NXPH2: variants seen among roughly 807,000 people sequenced by gnomAD.
The protein encoded by NXPH2 is neurexophilin 2, also known as neurexophilin-2.
In NXPH2, 5 loss-of-function variants were observed where a neutral mutation model predicts 19.8. The ratio of observed to expected loss-of-function variants is 0.25; its 90% CI spans 0.13 to 0.53. The LOEUF is 0.53. Among genes scored for constraint, NXPH2 ranks in the 20% least tolerant of loss-of-function variants. The pLI, the probability that NXPH2 is intolerant of heterozygous loss-of-function variation, is 0.96. For missense variants in NXPH2, 289 were observed against 322.8 expected, an observed-to-expected ratio of 0.90 and a Z score of 0.80; for synonymous variants, 154 against 127.4, an observed-to-expected ratio of 1.21 and a Z score of -1.41.
chr2:138,709,130 C>A (rs1195133763), intron 1 of NXPH2, among the ~76,000 whole-genome samples: 1 of 152,064 alleles, frequency 6.6e-6, no homozygotes, highest in East Asian at 1.9e-4. Flanking sequence ...TTAGGTCCCA[C>A]AAGGCTGACT....
At chr2:138,715,013 G>A (rs961640641) in intron 1 of NXPH2, among the ~76,000 whole-genome samples, 1 of 152,164 alleles carries the variant, frequency 6.6e-6, no homozygotes, top group African/African-American at 2.4e-5. Flanking sequence ...AAACTTAGAA[G>A]TGAAATTTGA....
At chr2:138,731,099 T>C (rs1681441518) in intron 1 of NXPH2, among the ~76,000 whole-genome samples, 1 of 152,208 alleles carries the variant, frequency 6.6e-6, no homozygotes, top group Non-Finnish European at 1.5e-5. Context: ...ATATTTATCA[T>C]TATTTACTTC....
At chr2:138,770,931 A>G (rs1682166014) in intron 1 of NXPH2, among the ~76,000 whole-genome samples, 2 of 152,158 alleles carry the variant, frequency 1.3e-5, no homozygotes, top group Non-Finnish European at 2.9e-5. Flanking sequence ...ACAGTATACA[A>G]TACATGTTAA....
chr2:138,696,979 T>C (rs1216747502), intron 1 of NXPH2, among the ~76,000 whole-genome samples: 2 of 152,026 alleles, frequency 1.3e-5, no homozygotes, highest in Admixed American at 6.6e-5. Context: ...AGAGAAAACA[T>C]AAGTAGGTAA....
intron 1 of NXPH2, among the ~76,000 whole-genome samples, chr2:138,674,236 C>G (rs895171087): frequency 3.3e-5 from 5 of 152,060 alleles, no homozygotes; most frequent in African/African-American, 1.2e-4. Context: ...TTACTACAAT[C>G]TCCACCTCCA....
At chr2:138,741,707 G>C (rs1187597380) in intron 1 of NXPH2, among the ~76,000 whole-genome samples, 1 of 152,152 alleles carries the variant, frequency 6.6e-6, no homozygotes, top group Non-Finnish European at 1.5e-5. Flanking sequence ...GTACTTAGTG[G>C]ATTACATACT....
intron 1 of NXPH2, among the ~76,000 whole-genome samples, chr2:138,716,413 C>T (rs1681195859): frequency 6.6e-6 from 1 of 152,124 alleles, no homozygotes; most frequent in Non-Finnish European, 1.5e-5. Flanking sequence ...AATGTGAGGC[C>T]TCATTGAGAA....
intron 1 of NXPH2, among the ~76,000 whole-genome samples, chr2:138,696,609 T>C (rs1020984818): frequency 6.6e-6 from 1 of 152,174 alleles, no homozygotes; most frequent in Non-Finnish European, 1.5e-5. Context: ...CAAATGGTGG[T>C]GAAGACATAG....
chr2:138,687,436 G>A (rs1680677487), intron 1 of NXPH2, among the ~76,000 whole-genome samples: 1 of 152,022 alleles, frequency 6.6e-6, no homozygotes. Flanking sequence ...GTTCTTTGTA[G>A]ATTCTGGATA....
At chr2:138,698,580 C>T (rs1029190203) in intron 1 of NXPH2, among the ~76,000 whole-genome samples, 2 of 152,058 alleles carry the variant, frequency 1.3e-5, no homozygotes, top group Non-Finnish European at 2.9e-5. Flanking sequence ...CAGGGCCAGG[C>T]GTGGTGACTC....
chr2:138,705,064 T>A (rs1680987034), intron 1 of NXPH2, among the ~76,000 whole-genome samples: 1 of 152,026 alleles, frequency 6.6e-6, no homozygotes, highest in Non-Finnish European at 1.5e-5. Flanking sequence ...TGACCTCAGG[T>A]GATCTGCCTG....
chr2:138,735,302 A>T (rs1278927830), intron 1 of NXPH2, among the ~76,000 whole-genome samples: 2 of 152,182 alleles, frequency 1.3e-5, no homozygotes, highest in Non-Finnish European at 2.9e-5. Flanking sequence ...AAGACTGGGA[A>T]GAAAAAGAGG....
Position 138,747,854 on chromosome 2 carries a change from C to T in NXPH2, c.51+32337G>A, listed in dbSNP as rs545844529. ...CTCCAGAATTTGTCTACGCTGCCTC[C>T]CTTCTCTCCAGTTTCAGTTTACTGC... On this transcript the variant is annotated intron_variant, in intron 1 of 1. Coordinates refer to ENST00000272641, the MANE Select transcript of NXPH2 (RefSeq NM_007226.3). Among the ~76,000 whole-genome samples the T allele has an allele frequency of 3.3e-5, 5 of 152,262 alleles. No individual in the cohort carries two copies. In the South Asian group the frequency reaches 8.3e-4, roughly 25 times the overall value.
At chr2:138,718,981 G>GA (rs1179904489) in intron 1 of NXPH2, among the ~76,000 whole-genome samples, 1 of 151,998 alleles carries the variant, frequency 6.6e-6, no homozygotes, top group Non-Finnish European at 1.5e-5. Flanking sequence ...GGAGGAAGAG[G>GA]AAAATGTAAT....
chr2:138,775,266 C>A (rs1682243697), intron 1 of NXPH2, among the ~76,000 whole-genome samples: 1 of 152,026 alleles, frequency 6.6e-6, no homozygotes, highest in Admixed American at 6.5e-5. Context: ...CATAATGAAC[C>A]AAACACTTGT....
At chr2:138,758,854 T>C (rs1238492873) in intron 1 of NXPH2, among the ~76,000 whole-genome samples, 1 of 152,112 alleles carries the variant, frequency 6.6e-6, no homozygotes, top group African/African-American at 2.4e-5. Flanking sequence ...TTCTGAAAAA[T>C]GAGAGACAGC....
chr2:138,700,195 G>C, intron 1 of NXPH2, among the ~76,000 whole-genome samples: 1 of 152,144 alleles, frequency 6.6e-6, no homozygotes, highest in African/African-American at 2.4e-5. Context: ...TCCCTACAGC[G>C]ATGCATCTAA....
intron 1 of NXPH2, among the ~76,000 whole-genome samples, chr2:138,703,157 G>A (rs57844368): frequency 0.029 from 4,460 of 152,218 alleles, 248 homozygotes; most frequent in African/African-American, 0.1. Context: ...TAATAATTTA[G>A]CTAATTGAGT....
intron 1 of NXPH2, among the ~76,000 whole-genome samples, chr2:138,675,032 C>T (rs762242616): frequency 6.6e-6 from 1 of 152,148 alleles, no homozygotes; most frequent in Admixed American, 6.5e-5. Context: ...TGGGATAGAG[C>T]CCTTCTGACA....
Sources: gnomAD v4.1 joint callset for allele counts (sites outside exome capture counted in the v4.1 genomes callset) on GRCh38, gnomAD v4.1.1 for gene constraint, MANE v1.5 for transcripts, NCBI Gene and HGNC (gene_info 2026-07-23, HGNC 2026-07-21) for gene names.